The following MCTP1 variants were observed in gnomAD, a reference collection of about 807,000 sequenced individuals.
The protein encoded by MCTP1 is multiple C2 and transmembrane domain containing 1.
MCTP1 carries 69 observed loss-of-function variants against 120.6 expected under a neutral mutation model. That is an observed-to-expected ratio of 0.57 (90% CI 0.47 to 0.70). MCTP1 has a LOEUF of 0.70. MCTP1 is among the 30% of genes least tolerant of loss of function. MCTP1 has a pLI of 0.00. For synonymous variants in MCTP1, 529 were observed against 493.1 expected, an observed-to-expected ratio of 1.07 and a Z score of -0.96; for missense variants, 1,203 against 1,248.8, an observed-to-expected ratio of 0.96 and a Z score of 0.55.
chr5:95,009,701 T>C (rs75549207), intron 2 of MCTP1, among the ~76,000 whole-genome samples: 2,815 of 152,228 alleles, frequency 0.018, 81 homozygotes, highest in African/African-American at 0.065. Flanking sequence ...AGGGAAATTG[T>C]GTATCTTACT....
chr5:94,825,416 G>T (rs1580883107), intron 17 of MCTP1, among the ~76,000 whole-genome samples: 1 of 152,084 alleles, frequency 6.6e-6, no homozygotes, highest in East Asian at 1.9e-4. Flanking sequence ...TGTTTGTTAT[G>T]AATTCTGTTC....
intron 17 of MCTP1, among the ~76,000 whole-genome samples, chr5:94,823,842 G>C (rs1245688451): frequency 6.6e-6 from 1 of 152,128 alleles, no homozygotes; most frequent in Non-Finnish European, 1.5e-5. Flanking sequence ...TTGGCTCTCT[G>C]TTTGTCTATT....
At chr5:94,714,117 AAC>A (rs1291671287) in intron 20 of MCTP1, among the ~76,000 whole-genome samples, 1 of 152,172 alleles carries the variant, frequency 6.6e-6, no homozygotes, top group Non-Finnish European at 1.5e-5. Flanking sequence ...GTTTAGATAA[AAC>A]ACATACGTAT....
intron 17 of MCTP1, among the ~76,000 whole-genome samples, chr5:94,841,731 G>A (rs1276423782): frequency 6.6e-6 from 1 of 152,086 alleles, no homozygotes; most frequent in African/African-American, 2.4e-5. Context: ...ATACATTCAG[G>A]AATCCAACTA....
At chr5:95,091,455 T>A (rs1236884000) in intron 1 of MCTP1, among the ~76,000 whole-genome samples, 2 of 152,178 alleles carry the variant, frequency 1.3e-5, no homozygotes, top group Non-Finnish European at 2.9e-5. Context: ...TTTTAACCAA[T>A]AAAGTATGAC....
At chr5:95,226,813 T>G (rs1754328238) in intron 1 of MCTP1, among the ~76,000 whole-genome samples, 1 of 151,418 alleles carries the variant, frequency 6.6e-6, no homozygotes, top group African/African-American at 2.4e-5. Context: ...AAGATAGAGG[T>G]GAAGCAAAAA....
chr5:95,065,413 T>C (rs1750402371), intron 1 of MCTP1, among the ~76,000 whole-genome samples: 1 of 152,064 alleles, frequency 6.6e-6, no homozygotes, highest in Admixed American at 6.6e-5. Context: ...GATAAAACAG[T>C]ATGACCAATA....
chr5:95,277,573 GAACTGTTTTAC>G (rs1474323624), intron 1 of MCTP1, among the ~76,000 whole-genome samples: 1 of 152,176 alleles, frequency 6.6e-6, no homozygotes, highest in Non-Finnish European at 1.5e-5. Flanking sequence ...GTCTTCCCCT[GAACTGTTTTAC>G]AATGCTGATT....
At chr5:94,719,059 A>G (rs950040184) in intron 19 of MCTP1, among the ~76,000 whole-genome samples, 3 of 152,216 alleles carry the variant, frequency 2.0e-5, no homozygotes, top group Admixed American at 2.0e-4. Context: ...TATGAAAAAA[A>G]GCTCTACATC....
At chr5:94,765,982 C>T (rs564890930) in intron 19 of MCTP1, among the ~76,000 whole-genome samples, 119 of 152,118 alleles carry the variant, frequency 7.8e-4, no homozygotes, top group African/African-American at 2.7e-3. Flanking sequence ...CGGTGGCTCA[C>T]GCTTGTAATC....
intron 1 of MCTP1, among the ~76,000 whole-genome samples, chr5:95,224,531 A>T (rs1465759385): frequency 7.1e-6 from 1 of 140,280 alleles, no homozygotes; most frequent in African/African-American, 2.7e-5. Context: ...TTTTTGAGAC[A>T]GGGTTTCACT....
intron 17 of MCTP1, among the ~76,000 whole-genome samples, chr5:94,818,154 A>G (rs1784879602): frequency 6.6e-6 from 1 of 152,334 alleles, no homozygotes; most frequent in Admixed American, 6.5e-5. Context: ...GTCTAAGATG[A>G]ATGCTAACGC....
chr5:95,095,878 A>T lies in MCTP1; in HGVS notation c.721-78394T>A, dbSNP rs571706633. On this transcript the variant is annotated intron_variant, in intron 1 of 22. Coordinates refer to ENST00000515393, the MANE Select transcript of MCTP1 (RefSeq NM_024717.7). ...ACGAAGGAGTAGGCGGTGACCGTGT[A>T]TTTGAAATGAGGGGAGGCCCAGAAG... Among the ~76,000 whole-genome samples, 21 of 152,226 alleles carry T rather than the reference A, an allele frequency of 1.4e-4. No homozygotes were observed. The South Asian group carries it at 3.9e-3, about 29-fold the overall frequency.
intron 5 of MCTP1, among the ~76,000 whole-genome samples, chr5:94,933,344 A>G (rs1815290959): frequency 6.6e-6 from 1 of 151,862 alleles, no homozygotes; most frequent in Admixed American, 6.6e-5. Context: ...GACATGTACT[A>G]AATCTTTACT....
chr5:95,008,909 A>T (rs1444814272), intron 2 of MCTP1, among the ~76,000 whole-genome samples: 1 of 152,050 alleles, frequency 6.6e-6, no homozygotes, highest in Non-Finnish European at 1.5e-5. Flanking sequence ...TTACACTTGT[A>T]GTCTTAGATA....
chr5:95,018,492 G>A (rs1449082142), intron 1 of MCTP1, among the ~76,000 whole-genome samples: 2 of 129,784 alleles, frequency 1.5e-5, no homozygotes, highest in Non-Finnish European at 3.5e-5. Context: ...ACATTTGTTC[G>A]TTAAAGCAGC....
rs1210601864 is a variant in MCTP1 at position 94,953,345 on chromosome 5, A to G, written c.855T>C (p.Tyr285=). 3.7e-6 allele frequency: 6 copies of G among 1,607,362 alleles called. No individual in the cohort carries two copies. The highest frequency in any genetic ancestry group is 2.2e-5 in the East Asian group (1 of 44,702). Residue 285 remains tyrosine, a synonymous_variant, in exon 3 of 23, where the codon TAT becomes TAC. Transcript: ENST00000515393. ...ARDRGGTSDP[Y]VKFKIGGKEV... is the part of the protein sequence containing the mutation. ...CTTTTCCTCCGATTTTAAACTTCAC[A>G]TATGGATCACTCGTCCCTGTTAAAT...
chr5:95,073,121 A>G (rs1282891588), intron 1 of MCTP1, among the ~76,000 whole-genome samples: 3 of 152,134 alleles, frequency 2.0e-5, no homozygotes, highest in Admixed American at 6.6e-5. Context: ...CATGGTCACA[A>G]TGAAGCTTGC....
chr5:95,133,046 C>A (rs1222531301), intron 1 of MCTP1, among the ~76,000 whole-genome samples: 1 of 152,156 alleles, frequency 6.6e-6, no homozygotes, highest in Admixed American at 6.5e-5. Flanking sequence ...CATAAAAAAT[C>A]ATCACACTTA....
Sources: gnomAD v4.1 joint callset for allele counts (sites outside exome capture counted in the v4.1 genomes callset) on GRCh38, gnomAD v4.1.1 for gene constraint, MANE v1.5 for transcripts, NCBI Gene and HGNC (gene_info 2026-07-23, HGNC 2026-07-21) for gene names.